Variants in VPS35L observed in about 807,000 individuals in gnomAD.
The protein encoded by VPS35L is VPS35 endosomal protein sorting factor like, also known as VPS35 endosomal protein-sorting factor-like.
Under a neutral mutation model 133.0 loss-of-function variants are expected in VPS35L, and 83 were observed. The observed-to-expected ratio is 0.62, with a 90% CI of 0.52 to 0.75. The LOEUF is 0.75. Among genes scored for constraint, VPS35L ranks in the 30% least tolerant of loss-of-function variants. The pLI, the probability that VPS35L is intolerant of heterozygous loss-of-function variation, is 0.00. For missense variants in VPS35L, 1,083 were observed against 1,206.8 expected, an observed-to-expected ratio of 0.90 and a Z score of 1.52; for synonymous variants, 423 against 449.9, an observed-to-expected ratio of 0.94 and a Z score of 0.76.
chr16:19,568,943 T>C (rs2353918), intron 2 of VPS35L, among the ~76,000 whole-genome samples: 55,104 of 151,864 alleles, frequency 0.36, 11,431 homozygotes, highest in African/African-American at 0.56. Context: ...CTGCACCCAG[T>C]AGAAAACTTA....
intron 10 of VPS35L, 178 bp downstream of exon 10, chr16:19,608,452 T>C (rs1972606158): frequency 1.8e-6 from 1 of 551,356 alleles, no homozygotes; most frequent in Non-Finnish European, 3.2e-6. Context: ...CCTTGGACTC[T>C]TGCTCTTTCC....
At chr16:19,594,375 G>A (rs1380592483) in intron 8 of VPS35L, among the ~76,000 whole-genome samples, 1 of 152,148 alleles carries the variant, frequency 6.6e-6, no homozygotes, top group Non-Finnish European at 1.5e-5. Context: ...TAGGCACAGT[G>A]GCTCACGCCT....
chr16:19,574,217 G>A (rs927990614), intron 4 of VPS35L, among the ~76,000 whole-genome samples: 5 of 152,162 alleles, frequency 3.3e-5, no homozygotes, highest in African/African-American at 9.7e-5. Context: ...TGGCAGCTCC[G>A]AGGGCATCAG....
chr16:19,575,459 A>G (rs1022316742), intron 5 of VPS35L, among the ~76,000 whole-genome samples: 5 of 151,626 alleles, frequency 3.3e-5, no homozygotes, highest in Admixed American at 6.6e-5. Context: ...CCAGCTACTC[A>G]GGAGGCTGAA....
chr16:19,655,305 A>G (rs1974261423), intron 26 of VPS35L, among the ~76,000 whole-genome samples: 1 of 152,162 alleles, frequency 6.6e-6, no homozygotes, highest in East Asian at 1.9e-4. Flanking sequence ...AAAGCCTATT[A>G]TTTTTCTCCT....
intron 26 of VPS35L, among the ~76,000 whole-genome samples, chr16:19,664,824 C>T (rs1477984043): frequency 2.0e-5 from 3 of 151,454 alleles, no homozygotes; most frequent in Admixed American, 1.3e-4. Flanking sequence ...CGCTTGAACC[C>T]GGGAGGCGGA....
intron 5 of VPS35L, chr16:19,578,279 C>CTTTTTTTT: frequency 2.3e-6 from 1 of 443,418 alleles, no homozygotes; most frequent in Non-Finnish European, 4.5e-6. Flanking sequence ...ACATTTCTTT[C>CTTTTTTTT]TTTTTTCTTT....
At chr16:19,656,825 C>G (rs1199717329) in intron 26 of VPS35L, among the ~76,000 whole-genome samples, 1 of 151,934 alleles carries the variant, frequency 6.6e-6, no homozygotes, top group East Asian at 1.9e-4. Context: ...TTTTCATATG[C>G]AAAGCATTGG....
chr16:19,643,849 T>C (rs572942263), intron 22 of VPS35L, among the ~76,000 whole-genome samples: 2 of 151,672 alleles, frequency 1.3e-5, no homozygotes, highest in South Asian at 4.2e-4. Flanking sequence ...TCCCAGCTAC[T>C]TGGGAGGCTG....
intron 1 of VPS35L, among the ~76,000 whole-genome samples, chr16:19,555,959 C>T (rs1970840956): frequency 6.6e-6 from 1 of 152,204 alleles, no homozygotes; most frequent in Admixed American, 6.5e-5. Context: ...CTCTCCCCGT[C>T]TGCTGCCTCT....
At chr16:19,661,439 CAG>C (rs1342751485) in intron 26 of VPS35L, among the ~76,000 whole-genome samples, 1 of 152,180 alleles carries the variant, frequency 6.6e-6, no homozygotes. Context: ...ATTGTTCAGA[CAG>C]AGGCGTATTG....
At chr16:19,592,689 ATT>A (rs770439941) in intron 8 of VPS35L, among the ~76,000 whole-genome samples, 22 of 138,224 alleles carry the variant, frequency 1.6e-4, no homozygotes, top group Admixed American at 2.9e-4. Flanking sequence ...CACTGTTAAA[ATT>A]TTTTTTTTTT....
intron 7 of VPS35L, among the ~76,000 whole-genome samples, chr16:19,590,370 T>C (rs1306337110): frequency 6.6e-6 from 1 of 152,172 alleles, no homozygotes; most frequent in Non-Finnish European, 1.5e-5. Flanking sequence ...TAATCCTTTC[T>C]AAATGTCTGA....
At chr16:19,583,939 C>T (rs979911643) in intron 7 of VPS35L, among the ~76,000 whole-genome samples, 9 of 152,162 alleles carry the variant, frequency 5.9e-5, no homozygotes, top group African/African-American at 2.2e-4. Flanking sequence ...TTTCATAGCT[C>T]CCACATATGA....
chr16:19,649,457 C>T (rs1436082781), intron 24 of VPS35L, among the ~76,000 whole-genome samples: 1 of 152,158 alleles, frequency 6.6e-6, no homozygotes, highest in Non-Finnish European at 1.5e-5. Flanking sequence ...CTTTTGATCA[C>T]AGTAGCCACG....
chr16:19,572,232 A>G (rs934004892), intron 3 of VPS35L, among the ~76,000 whole-genome samples: 3 of 152,162 alleles, frequency 2.0e-5, no homozygotes, highest in Non-Finnish European at 2.9e-5. Flanking sequence ...AGCCGGACCA[A>G]CGTGGTGAAA....
chr16:19,588,191 T>TATGTATGTATG (rs1555498178), intron 7 of VPS35L, among the ~76,000 whole-genome samples: 1 of 95,834 alleles, frequency 1.0e-5, no homozygotes, highest in Non-Finnish European at 2.0e-5. Context: ...ATGTATGTAT[T>TATGTATGTATG]TATTTATTGA....
At chr16:19,624,653 C>T (rs1332338375) in intron 14 of VPS35L, among the ~76,000 whole-genome samples, 2 of 151,902 alleles carry the variant, frequency 1.3e-5, no homozygotes, top group Admixed American at 1.3e-4. Context: ...ACTATATTGC[C>T]CAGACTGGTC....
rs77257104 is a variant in VPS35L, at chr16:19,683,115, C to T, written c.2527+725C>T. ...AATTTTTTAAATTTTTTTTTGAAGA[C>T]GGGGTTTCACCATGTTACGCTGGTC... On this transcript the variant is annotated intron_variant, in intron 28 of 30. Coordinates refer to ENST00000417362, the MANE Select transcript of VPS35L (RefSeq NM_020314.7). 3.0e-3 allele frequency among the ~76,000 whole-genome samples: 452 copies of T among 151,994 alleles called. 8 individuals carry two copies. Among genetic ancestry groups the T allele is most frequent in the East Asian group, 0.024 (125 of 5,142 alleles).
Sources: gnomAD v4.1 joint callset for allele counts (sites outside exome capture counted in the v4.1 genomes callset) on GRCh38, gnomAD v4.1.1 for gene constraint, MANE v1.5 for transcripts, NCBI Gene and HGNC (gene_info 2026-07-23, HGNC 2026-07-21) for gene names.